The following CCDC149 variants were observed in gnomAD, a reference collection of about 807,000 sequenced individuals.
The protein encoded by CCDC149 is coiled-coil domain containing 149, also known as coiled-coil domain-containing protein 149.
In CCDC149, 45 loss-of-function variants were observed where a neutral mutation model predicts 59.9. The observed-to-expected ratio is 0.75, with a 90% confidence interval of 0.59 to 0.96. The LOEUF (loss-of-function observed/expected upper bound fraction) is 0.96, where lower values mean the gene tolerates loss of function less well. Ranked by LOEUF, CCDC149 falls within the 40% of genes least tolerant of loss-of-function variation. The pLI, the probability that CCDC149 is intolerant of heterozygous loss-of-function variation, is 0.00. For synonymous variants in CCDC149, 245 were observed against 260.6 expected (o/e 0.94, Z 0.58); for missense variants, 584 against 664.7 (o/e 0.88, Z 1.33).
At chr4:24,873,549 C>T (rs1719191879) in intron 3 of CCDC149, 132 bp downstream of exon 3, 1 of 713,768 alleles carries the variant, frequency 1.4e-6, no homozygotes, top group Non-Finnish European at 2.5e-6. Context: ...GTTGGAATCT[C>T]TACCTACTCC....
At chr4:24,972,811 C>G (rs546165656) in intron 1 of CCDC149, among the ~76,000 whole-genome samples, 1 of 152,154 alleles carries the variant, frequency 6.6e-6, no homozygotes, top group Admixed American at 6.5e-5. Flanking sequence ...TTTGAAATAG[C>G]CTGCAACTTT....
At chr4:24,916,494 G>A (rs1182220704), upstream of CCDC149, among the ~76,000 whole-genome samples, 1 of 152,088 alleles carries the variant, frequency 6.6e-6, no homozygotes, top group Non-Finnish European at 1.5e-5. Context: ...GAAGACTCTG[G>A]CCAGGTCTCG....
chr4:24,905,283 CTCTT>C (rs1721410826), intron 1 of CCDC149, among the ~76,000 whole-genome samples: 1 of 151,642 alleles, frequency 6.6e-6, no homozygotes, highest in South Asian at 2.1e-4. Context: ...CAGTCTGTGA[CTCTT>C]TATTGTTTTA....
In CCDC149 at chr4:24,838,259, G is replaced by A. The variant is rs1190356614; in HGVS notation, c.386C>T (p.Thr129Met). Residue 129 changes from threonine (T) to methionine (M), a missense_variant, in exon 5 of 13, where the codon ACG (threonine) becomes ATG (methionine). Transcript: ENST00000635206. ...GTCTCCGAGCCTTTGTTTGGCAATC[G>A]TCATCCTCAAGAGCTGCATTTTCCA... 3.7e-6 allele frequency: 6 copies of A among 1,613,612 alleles called. No homozygotes were observed. The highest frequency in any genetic ancestry group is 2.7e-5 in the African/African-American group (2 of 74,884).
intron 1 of CCDC149, among the ~76,000 whole-genome samples, chr4:24,970,081 G>T (rs1191831644): frequency 6.6e-6 from 1 of 152,150 alleles, no homozygotes; most frequent in African/African-American, 2.4e-5. Context: ...AAAAACCCTT[G>T]GTGGCTGCAC....
chr4:24,961,654 T>C (rs1253883026), intron 1 of CCDC149, among the ~76,000 whole-genome samples: 3 of 152,206 alleles, frequency 2.0e-5, no homozygotes, highest in South Asian at 2.1e-4. Flanking sequence ...GAAATAATGC[T>C]GCATATCTAC....
intron 1 of CCDC149, among the ~76,000 whole-genome samples, chr4:24,927,863 G>GA (rs1047479893): frequency 3.3e-5 from 5 of 151,556 alleles, no homozygotes; most frequent in South Asian, 4.2e-4. Context: ...TGCTTGGCTT[G>GA]AAAAAAAACT....
intron 11 of CCDC149, 148 bp from the exon 12 acceptor site, chr4:24,820,123 A>C: frequency 1.6e-6 from 1 of 607,478 alleles, no homozygotes; most frequent in Non-Finnish European, 2.9e-6. Flanking sequence ...CATGCTCCAT[A>C]CTTCCTTACA....
chr4:24,866,656 C>T (rs1443915829), intron 3 of CCDC149, among the ~76,000 whole-genome samples: 4 of 151,986 alleles, frequency 2.6e-5, no homozygotes, highest in Non-Finnish European at 2.9e-5. Context: ...GCTTCTTTAA[C>T]GGATGATTTG....
In CCDC149 at chr4:24,862,279, G is replaced by A. The variant is rs9991186; in HGVS notation, c.265-9100C>T. ...CTGAGATAGTAAGTGTGCACACTCC[G>A]TGGAGGGCCATAAAAACAGCAAAGC... On this transcript the variant is annotated intron_variant, in intron 3 of 12. Transcript: ENST00000635206. 8.2e-3 allele frequency among the ~76,000 whole-genome samples: 1,248 copies of A among 152,306 alleles called. 17 individuals carry two copies. Among genetic ancestry groups the A allele is most frequent in the African/African-American group, 0.029 (1,185 of 41,548 alleles).
At chr4:24,833,278 A>G (rs1434489397) in intron 8 of CCDC149, among the ~76,000 whole-genome samples, 1 of 152,136 alleles carries the variant, frequency 6.6e-6, no homozygotes, top group Non-Finnish European at 1.5e-5. Context: ...TTCATCATTA[A>G]TATCCCTTAA....
intron 1 of CCDC149, among the ~76,000 whole-genome samples, chr4:24,957,521 C>A (rs912389175): frequency 6.6e-6 from 1 of 152,172 alleles, no homozygotes; most frequent in African/African-American, 2.4e-5. Flanking sequence ...AAGACTGGGG[C>A]CAGTGTACCT....
In CCDC149 at chr4:24,808,568, T is replaced by C. The variant is rs926106504; in HGVS notation, c.1444A>G (p.Ile482Val). Residue 482 changes from isoleucine (I) to valine (V), a missense_variant, in exon 13 of 13, where the codon ATA becomes GTA. Transcript: ENST00000635206. ...CCCGTCTCACTCCTCTGACCTTCTA[T>C]GGGACTCTCTCTTCTGACCTCTTCC... 1.3e-6 allele frequency: 2 copies of C among 1,551,684 alleles called. No individual in the cohort carries two copies. Among genetic ancestry groups the C allele is most frequent in the African/African-American group, 1.4e-5 (1 of 73,062 alleles).
chr4:24,916,787 G>GGTGTGTGTGTGTGTGTGTGT (rs55857592), upstream of CCDC149, among the ~76,000 whole-genome samples: 9 of 142,014 alleles, frequency 6.3e-5, no homozygotes, highest in East Asian at 8.3e-4. Flanking sequence ...GGTTTATAAT[G>GGTGTGTGTGTGTGTGTGTGT]GTGTGTGTGT....
chr4:24,828,027 C>A (rs1473698416), intron 9 of CCDC149: 3 of 152,044 alleles, frequency 2.0e-5, no homozygotes, highest in Non-Finnish European at 4.4e-5. Context: ...CACACATAGA[C>A]CAAAGTCACA....
At chr4:24,948,142 A>G (rs1210798653) in intron 1 of CCDC149, among the ~76,000 whole-genome samples, 2 of 152,238 alleles carry the variant, frequency 1.3e-5, no homozygotes, top group African/African-American at 2.4e-5. Context: ...CTGAAAAATC[A>G]GAAAGTGGTT....
chr4:24,855,658 C>T (rs2109192101), intron 3 of CCDC149, among the ~76,000 whole-genome samples: 1 of 151,936 alleles, frequency 6.6e-6, no homozygotes, highest in South Asian at 2.1e-4. Flanking sequence ...GATCTCTACT[C>T]ACTTATTTGA....
upstream of CCDC149, among the ~76,000 whole-genome samples, chr4:24,914,528 A>G (rs1317952623): frequency 2.6e-5 from 4 of 152,108 alleles, no homozygotes; most frequent in East Asian, 5.8e-4. Flanking sequence ...CCAACAGTCA[A>G]CCATCACCAG....
At chr4:24,968,740 A>G (rs1257474158) in intron 1 of CCDC149, among the ~76,000 whole-genome samples, 2 of 152,220 alleles carry the variant, frequency 1.3e-5, no homozygotes, top group African/African-American at 4.8e-5. Flanking sequence ...GGCAGTATGG[A>G]TGGTGATCAC....
Sources: gnomAD v4.1 joint callset for allele counts (sites outside exome capture counted in the v4.1 genomes callset) on GRCh38, gnomAD v4.1.1 for gene constraint, MANE v1.5 for transcripts, NCBI Gene and HGNC (gene_info 2026-07-23, HGNC 2026-07-21) for gene names.